Variants in BMP5 observed in about 807,000 individuals in gnomAD.
The protein encoded by BMP5 is bone morphogenetic protein 5.
Under a neutral mutation model 46.6 loss-of-function variants are expected in BMP5, and 23 were observed. That is an observed-to-expected ratio of 0.49 (90% CI 0.35 to 0.70). The LOEUF is 0.70. BMP5 is among the 30% of genes least tolerant of loss of function. The pLI, the probability that BMP5 is intolerant of heterozygous loss-of-function variation, is 0.00. For synonymous variants in BMP5, 204 were observed against 191.9 expected (o/e 1.06, Z -0.52); for missense variants, 545 against 565.6 (o/e 0.96, Z 0.37).
intron 2 of BMP5, among the ~76,000 whole-genome samples, chr6:55,818,247 G>A (rs1776324008): frequency 6.8e-6 from 1 of 147,864 alleles, no homozygotes; most frequent in Admixed American, 6.9e-5. Flanking sequence ...ATTAGTGTCT[G>A]GCTTTTTTTT....
intron 1 of BMP5, among the ~76,000 whole-genome samples, chr6:55,856,587 A>G (rs952126133): frequency 2.3e-4 from 35 of 151,962 alleles, no homozygotes; most frequent in African/African-American, 7.5e-4. Flanking sequence ...AGCCATTTTT[A>G]TGATGTGTAG....
intron 4 of BMP5, among the ~76,000 whole-genome samples, chr6:55,773,495 CTG>C (rs10555940): frequency 0.028 from 4,097 of 148,082 alleles, 102 homozygotes; most frequent in African/African-American, 0.072. Flanking sequence ...TGTTGAAAGA[CTG>C]TGTGTGTGTG....
At chr6:55,865,898 G>A (rs775501685) in intron 1 of BMP5, among the ~76,000 whole-genome samples, 1 of 152,118 alleles carries the variant, frequency 6.6e-6, no homozygotes, top group East Asian at 1.9e-4. Flanking sequence ...ATACGCAGCT[G>A]GAATTCAAAC....
rs773535817 is a variant in BMP5, at chr6:55,874,728, G to A, written c.138C>T (p.His46=). Residue 46 remains histidine, a synonymous_variant, in exon 1 of 7, where the codon CAC becomes CAT. Transcript: ENST00000370830. ...TTTCCCTTTGTATTTCCCGTCTTTC[G>A]TGGTTCCGTAGTCTTCTATAAATAA... ...SSFIYRRLRN[H]ERREIQREIL... is the part of the protein sequence containing the mutation. The A allele has an allele frequency of 1.2e-5, 19 of 1,613,258 alleles. No individual in the cohort carries two copies. In the African/African-American group the frequency reaches 1.5e-4, roughly 12 times the overall value.
intron 1 of BMP5, among the ~76,000 whole-genome samples, chr6:55,872,797 G>T (rs1033658481): frequency 1.3e-5 from 2 of 151,576 alleles, no homozygotes; most frequent in African/African-American, 4.8e-5. Flanking sequence ...AATTTTGCTA[G>T]GTTGAAATTT....
intron 4 of BMP5, among the ~76,000 whole-genome samples, chr6:55,769,828 G>A (rs980733719): frequency 2.0e-5 from 3 of 151,894 alleles, no homozygotes; most frequent in South Asian, 2.1e-4. Context: ...TAGTCTACTC[G>A]TATATCTCCA....
intron 2 of BMP5, among the ~76,000 whole-genome samples, chr6:55,807,816 A>G (rs1776026877): frequency 1.3e-5 from 2 of 152,096 alleles, no homozygotes; most frequent in South Asian, 4.1e-4. Context: ...GAATTTATCC[A>G]TTTCTTCTAG....
chr6:55,758,389 A>C (rs1257276282), intron 6 of BMP5, among the ~76,000 whole-genome samples: 2 of 151,840 alleles, frequency 1.3e-5, no homozygotes, highest in East Asian at 3.9e-4. Flanking sequence ...TCAGTTAATC[A>C]CGTCAACCCT....
intron 4 of BMP5, among the ~76,000 whole-genome samples, chr6:55,762,413 T>A (rs1406803614): frequency 6.6e-6 from 1 of 152,136 alleles, no homozygotes; most frequent in Non-Finnish European, 1.5e-5. Flanking sequence ...AATGTTAATC[T>A]AAAAAACAAG....
At chr6:55,855,005 TTTC>T (rs1777350836) in intron 1 of BMP5, among the ~76,000 whole-genome samples, 1 of 152,132 alleles carries the variant, frequency 6.6e-6, no homozygotes, top group Non-Finnish European at 1.5e-5. Context: ...ATTTGATGTG[TTTC>T]TTTTTTTCTC....
chr6:55,862,003 T>G (rs1777537230), intron 1 of BMP5, among the ~76,000 whole-genome samples: 1 of 152,224 alleles, frequency 6.6e-6, no homozygotes, highest in African/African-American at 2.4e-5. Flanking sequence ...AATTAAAATG[T>G]TAGCACTTGA....
At chr6:55,783,146 C>G (rs1033465455) in intron 3 of BMP5, among the ~76,000 whole-genome samples, 1 of 152,080 alleles carries the variant, frequency 6.6e-6, no homozygotes, top group African/African-American at 2.4e-5. Context: ...AAGATGAAGA[C>G]TCAATACTTC....
At chr6:55,770,616 G>A (rs1579884) in intron 4 of BMP5, among the ~76,000 whole-genome samples, 2,795 of 152,010 alleles carry the variant, frequency 0.018, 82 homozygotes, top group African/African-American at 0.064. Context: ...GTCACAACTT[G>A]ACAACTGTTT....
intron 1 of BMP5, among the ~76,000 whole-genome samples, chr6:55,820,638 G>A (rs1053221235): frequency 6.6e-6 from 1 of 152,024 alleles, no homozygotes; most frequent in African/African-American, 2.4e-5. Flanking sequence ...GACTGGTCTC[G>A]AAATCCTGGG....
chr6:55,759,172 A>AAAAAAAAAAAAAAAAAAAAAAC (rs1562023483), intron 5 of BMP5, 57 bp from the exon 6 acceptor site: 13 of 738,850 alleles, frequency 1.8e-5, no homozygotes, highest in South Asian at 6.2e-5. Context: ...AAAAAAAAAA[A>AAAAAAAAAAAAAAAAAAAAAAC]AAAAAAAAAA....
At chr6:55,863,271 C>T (rs1777565742) in intron 1 of BMP5, among the ~76,000 whole-genome samples, 2 of 152,002 alleles carry the variant, frequency 1.3e-5, no homozygotes, top group African/African-American at 4.8e-5. Flanking sequence ...AAATATAAGC[C>T]ATTATTATTG....
In BMP5 at chr6:55,802,639, C is replaced by T. The variant is rs75064762; in HGVS notation, c.684-8212G>A. Among the ~76,000 whole-genome samples the T allele has an allele frequency of 5.9e-3, 893 of 151,762 alleles. 7 individuals are homozygous for T. The highest frequency in any genetic ancestry group is 0.02 in the African/African-American group (828 of 41,376). On this transcript the variant is annotated intron_variant, in intron 2 of 6. Coordinates refer to ENST00000370830, the MANE Select transcript of BMP5 (RefSeq NM_021073.4). The stretch of plus-strand genomic sequence containing the variant: ...GGAAATTATAAATACCAACTGCAAC[C>T]ATGTGACTAGCTGCAGAAATGAGTA...
intron 3 of BMP5, among the ~76,000 whole-genome samples, chr6:55,775,919 G>GA (rs201998264): frequency 0.02 from 2,659 of 129,956 alleles, 65 homozygotes; most frequent in African/African-American, 0.063. Flanking sequence ...GGTATTGGTT[G>GA]AAAAAAAAAA....
At chr6:55,815,925 C>T (rs1230005951) in intron 2 of BMP5, among the ~76,000 whole-genome samples, 1 of 151,898 alleles carries the variant, frequency 6.6e-6, no homozygotes, top group Admixed American at 6.6e-5. Flanking sequence ...TGAAAGTAAG[C>T]TCAGAGGGAG....
Sources: allele counts gnomAD v4.1 joint callset (sites outside exome capture counted in the v4.1 genomes callset), GRCh38; gene constraint gnomAD v4.1.1; transcripts MANE v1.5; gene names NCBI Gene and HGNC (gene_info 2026-07-23, HGNC 2026-07-21).